The following YIPF7 variants were observed in gnomAD, a reference collection of about 807,000 sequenced individuals.
YIPF7 encodes the protein protein YIPF7.
YIPF7 carries 35 observed loss-of-function variants against 27.2 expected under a neutral mutation model. The observed-to-expected ratio is 1.29, with a 90% CI of 0.98 to 1.70. The LOEUF (loss-of-function observed/expected upper bound fraction) is 1.70, where lower values mean the gene tolerates loss of function less well. Among genes scored for constraint, YIPF7 ranks in the 40% most tolerant of loss-of-function variants. The pLI, the probability that YIPF7 is intolerant of heterozygous loss-of-function variation, is 0.00. For synonymous variants in YIPF7, 137 were observed against 110.4 expected, an observed-to-expected ratio of 1.24 and a Z score of -1.51; for missense variants, 358 against 303.7, an observed-to-expected ratio of 1.18 and a Z score of -1.33.
Position 44,624,742 on chromosome 4 carries a change from G to T in YIPF7, c.467C>A (p.Ala156Asp), listed in dbSNP as rs775888663. The T allele has an allele frequency of 5.0e-6, 8 of 1,611,932 alleles. No individual in the cohort carries two copies. Among genetic ancestry groups the T allele is most frequent in the Non-Finnish European group, 6.8e-6 (8 of 1,179,056 alleles). Reference sequence around the variant, plus strand: ...GGCATGAATCACAAGGCAGCCAATGGCACTCATGCCATACACATAACCAAA... The same window carrying T: ...GGCATGAATCACAAGGCAGCCAATGTCACTCATGCCATACACATAACCAAA... ...VQFGYVYGMSAIGCLVIHALL... is the reference protein window; with the variant it reads ...VQFGYVYGMSDIGCLVIHALL... The change falls in exon 5 of 6, where the codon GCC becomes GAC. Residue 156 changes from alanine to aspartate, a missense_variant. Coordinates refer to ENST00000415895, the MANE Select transcript of YIPF7 (RefSeq NM_182592.3).
chr4:44,647,281 C>T (rs569346063), intron 2 of YIPF7, among the ~76,000 whole-genome samples: 5 of 152,068 alleles, frequency 3.3e-5, no homozygotes, highest in South Asian at 2.1e-4. Context: ...AATTGGAGTG[C>T]GTGGGGTGGG....
intron 4 of YIPF7, 147 bp from the exon 5 acceptor site, chr4:44,624,929 G>A (rs371401591): frequency 7.5e-6 from 5 of 663,574 alleles, no homozygotes; most frequent in Non-Finnish European, 1.2e-5. Flanking sequence ...GGAAGTTCTG[G>A]GAAAAACATG....
chr4:44,650,507 G>GCGCGCACACA (rs6148421), intron 1 of YIPF7, among the ~76,000 whole-genome samples: 68 of 137,182 alleles, frequency 5.0e-4, no homozygotes, highest in Non-Finnish European at 9.1e-4. Flanking sequence ...GCGCGCGCGC[G>GCGCGCACACA]CACACACACA....
At chr4:44,629,941 C>A (rs776128959) in intron 3 of YIPF7, among the ~76,000 whole-genome samples, 7 of 152,144 alleles carry the variant, frequency 4.6e-5, no homozygotes, top group Non-Finnish European at 1.0e-4. Context: ...ATCCTATTGT[C>A]CATCTAGATA....
chr4:44,626,564 ATG>A (rs1712645724), intron 4 of YIPF7, among the ~76,000 whole-genome samples: 1 of 152,042 alleles, frequency 6.6e-6, no homozygotes, highest in South Asian at 2.1e-4. Context: ...CATGGCAGTT[ATG>A]TGCTTCTCTC....
chr4:44,650,505 G>GCACACACACACA (rs150789716), intron 1 of YIPF7, among the ~76,000 whole-genome samples: 47 of 122,370 alleles, frequency 3.8e-4, no homozygotes, highest in African/African-American at 1.4e-3. Context: ...GCGCGCGCGC[G>GCACACACACACA]CGCACACACA....
chr4:44,647,534 C>T (rs1249189790), intron 2 of YIPF7, among the ~76,000 whole-genome samples: 11 of 152,080 alleles, frequency 7.2e-5, no homozygotes, highest in Non-Finnish European at 1.5e-4. Context: ...AGAGTGACCA[C>T]CTTTGTATAC....
rs371876322 is a variant in YIPF7 at position 44,629,425 on chromosome 4, G to A, written c.404C>T (p.Ala135Val). The change falls in exon 4 of 6, where the codon GCC (alanine) becomes GTC (valine). Residue 135 changes from alanine (A) to valine (V), a missense_variant. Coordinates refer to ENST00000415895, the MANE Select transcript of YIPF7 (RefSeq NM_182592.3). ...DLTGPILFCV[A>V]LGATLLLAGK... ...TACCAGAAGCAAGGTGGCTCCCAGG[G>A]CTACGCAAAAAAGAATGGGTCCAGT... is the stretch of plus-strand genomic sequence containing the variant. 1 of 1,595,956 alleles carries A rather than the reference G, an allele frequency of 6.3e-7. No homozygotes were observed. The highest frequency in any genetic ancestry group is 8.5e-7 in the Non-Finnish European group (1 of 1,171,274).
intron 2 of YIPF7, among the ~76,000 whole-genome samples, chr4:44,637,621 GGGAACAGGTGGTATTTGGT>G (rs2109587950): frequency 6.6e-6 from 1 of 152,012 alleles, no homozygotes; most frequent in East Asian, 1.9e-4. Context: ...TAGGTTTTGG[GGGAACAGGTGGTATTTGGT>G]TACATGAGTA....
At chr4:44,634,414 T>G (rs1053148767) in intron 3 of YIPF7, among the ~76,000 whole-genome samples, 1 of 151,972 alleles carries the variant, frequency 6.6e-6, no homozygotes, top group Non-Finnish European at 1.5e-5. Flanking sequence ...GCACCTGTAG[T>G]CTCAACTACT....
rs1229277926 is a variant in YIPF7, at chr4:44,624,644, G to C, written c.565C>G (p.Pro189Ala). The change falls in exon 5 of 6, where the codon CCC becomes GCC. Residue 189 changes from proline (P) to alanine (A), a missense_variant. Transcript: ENST00000415895. The part of the protein sequence containing the change: ...VASVLGYCLL[P>A]MVILSGCAMF... ...GCGCAACCAGACAGGATGACCATGG[G>C]GAGCAGGCAGTAACCCAGCACGCTG... 1.2e-6 allele frequency: 2 copies of C among 1,601,410 alleles called. No homozygotes were observed. The highest frequency in any genetic ancestry group is 2.3e-5 in the East Asian group (1 of 44,230).
chr4:44,629,681 C>A (rs918046283), intron 3 of YIPF7, 133 bp from the exon 4 acceptor site: 1 of 614,716 alleles, frequency 1.6e-6, no homozygotes, highest in Non-Finnish European at 2.5e-6. Context: ...ATCATACCTT[C>A]TAAAGTTCTA....
chr4:44,645,675 A>G (rs1424603541), intron 2 of YIPF7, among the ~76,000 whole-genome samples: 4 of 152,194 alleles, frequency 2.6e-5, no homozygotes, highest in Middle Eastern at 3.2e-3. Context: ...ATAAATGTTA[A>G]CTGAATTAGA....
chr4:44,635,777 G>A (rs909667237), intron 3 of YIPF7, 145 bp downstream of exon 3: 12 of 919,762 alleles, frequency 1.3e-5, no homozygotes, highest in Non-Finnish European at 1.9e-5. Flanking sequence ...ATGGTTTAAG[G>A]GTTTTGGTTC....
chr4:44,634,648 A>G (rs996782496), intron 3 of YIPF7, among the ~76,000 whole-genome samples: 1 of 152,252 alleles, frequency 6.6e-6, no homozygotes, highest in Non-Finnish European at 1.5e-5. Context: ...ATGCATGTAT[A>G]TTCATACATA....
upstream of YIPF7, among the ~76,000 whole-genome samples, chr4:44,652,339 T>C (rs543125003): frequency 3.7e-3 from 568 of 152,302 alleles, 2 homozygotes; most frequent in African/African-American, 0.012. Context: ...CAATTCTATC[T>C]AGATCTGGTG....
rs572177649 is a variant in YIPF7 at position 44,649,949 on chromosome 4, G to A, written c.116+36C>T. The A allele has an allele frequency of 4.4e-5, 47 of 1,065,564 alleles. 1 individual carries two copies. The South Asian group carries it at 6.7e-4, about 15-fold the overall frequency. The allele number at this position is 1,065,564 out of a possible 1,614,324, so 66.0% of individuals were successfully genotyped here. A position where few individuals can be genotyped will look rare whatever the true frequency, so the allele number is the denominator to read the frequency against. On this transcript the variant is annotated intron_variant, in intron 2 of 5. Coordinates refer to ENST00000415895, the MANE Select transcript of YIPF7 (RefSeq NM_182592.3). ...TATGTGGGTGACAGAGTGAGACTCT[G>A]TCAAAAAAAAAAAAAGAAAAATATT...
chr4:44,638,986 G>A (rs1713234987), intron 2 of YIPF7, among the ~76,000 whole-genome samples: 1 of 152,104 alleles, frequency 6.6e-6, no homozygotes, highest in South Asian at 2.1e-4. Flanking sequence ...CTTTGTCAAT[G>A]ACTAGTTAGC....
Position 44,643,995 on chromosome 4 carries a change from C to A in YIPF7, c.116+5990G>T, listed in dbSNP as rs533123637. ...TTGAAGCCCCCACACAGAGTCTCCA[C>A]ACAGAGTCCCTCACAGTGCAGCTGT... On this transcript the variant is annotated intron_variant, in intron 2 of 5. Transcript: ENST00000415895. Among the ~76,000 whole-genome samples, 6 of 152,252 alleles carry A rather than the reference C, an allele frequency of 3.9e-5. No homozygotes were observed. In the South Asian group the frequency reaches 1.2e-3, roughly 32 times the overall value.
Sources: gnomAD v4.1 joint callset for allele counts (sites outside exome capture counted in the v4.1 genomes callset) on GRCh38, gnomAD v4.1.1 for gene constraint, MANE v1.5 for transcripts, NCBI Gene and HGNC (gene_info 2026-07-23, HGNC 2026-07-21) for gene names.